Variants in LPIN1 observed in about 807,000 individuals in gnomAD.
The protein encoded by LPIN1 is lipin 1, also known as phosphatidate phosphatase LPIN1.
LPIN1 carries 71 observed loss-of-function variants against 107.5 expected under a neutral mutation model. The observed-to-expected ratio is 0.66, with a 90% confidence interval of 0.55 to 0.80. The LOEUF is 0.80. Ranked by LOEUF, LPIN1 falls within the 30% of genes least tolerant of loss-of-function variation. The pLI, the probability that LPIN1 is intolerant of heterozygous loss-of-function variation, is 0.00. For missense variants in LPIN1, 1,043 were observed against 1,160.6 expected (o/e 0.90, Z 1.47); for synonymous variants, 445 against 452.6 (o/e 0.98, Z 0.21).
At chr2:11,764,078 G>GTGTGTATA (rs1313228035) in intron 1 of LPIN1, 1 of 63,274 alleles carries the variant, frequency 1.6e-5, no homozygotes, top group Non-Finnish European at 3.1e-5. Flanking sequence ...GTGTGTGTGT[G>GTGTGTATA]TATATATATA....
Position 11,804,557 on chromosome 2 carries a change from TG to T in LPIN1, c.2151del (p.Thr718GlnfsTer31). 4 of 1,614,188 alleles carry T rather than the reference TG, an allele frequency of 2.5e-6. No homozygotes were observed. The highest frequency in any genetic ancestry group is 2.5e-6 in the Non-Finnish European group (3 of 1,180,040). On this transcript the variant is annotated frameshift_variant, in exon 16 of 21. Transcript: ENST00000674199. LOFTEE classifies it high-confidence loss of function. ...ATAAAGTCATCATTTCTGATATTGA[TG>T]GGACAATTACCAGGTAGGTCCTGCT... is the stretch of plus-strand genomic sequence containing the variant. ...DDKVIISDID[G>X]TITRSDTLGH...
chr2:11,732,173 A>G (rs957043104), intron 1 of LPIN1, among the ~76,000 whole-genome samples: 55 of 152,248 alleles, frequency 3.6e-4, no homozygotes, highest in African/African-American at 1.3e-3. Flanking sequence ...CAATATGTGC[A>G]ACAACTTTGA....
Position 11,827,156 on chromosome 2 carries a change from C to T in LPIN1, c.*2365C>T, listed in dbSNP as rs1159508889. On this transcript the variant is annotated 3_prime_UTR_variant, in exon 21 of 21. Transcript: ENST00000674199. The surrounding 1 kb of genome is among the most constrained non-coding windows in gnomAD (Gnocchi z 4.1). ...AAATGTTTGTCACATGTGATGAAGA[C>T]AAATATGTATACCTGGCATAGAGAA... is the stretch of plus-strand genomic sequence containing the variant. The T allele has an allele frequency of 6.6e-6, 1 of 152,598 alleles. No individual in the cohort carries two copies. The highest frequency in any genetic ancestry group is 1.5e-5 in the Non-Finnish European group (1 of 68,032). The allele number at this position is 152,598 out of a possible 1,614,324, so 9.5% of individuals were successfully genotyped here.
At chr2:11,714,514 G>A (rs1000646570) in intron 2 of LPIN1, among the ~76,000 whole-genome samples, 4 of 152,176 alleles carry the variant, frequency 2.6e-5, no homozygotes, top group African/African-American at 4.8e-5. Flanking sequence ...TCCCAGAGGT[G>A]GTCCCAAACT....
intron 1 of LPIN1, among the ~76,000 whole-genome samples, chr2:11,726,457 C>G (rs1222881867): frequency 6.6e-6 from 1 of 152,136 alleles, no homozygotes; most frequent in African/African-American, 2.4e-5. Context: ...ACTGTTACTC[C>G]CAGCCACGCT....
intron 14 of LPIN1, among the ~76,000 whole-genome samples, chr2:11,801,115 C>G (rs1677654894): frequency 6.6e-6 from 1 of 152,132 alleles, no homozygotes; most frequent in African/African-American, 2.4e-5. Context: ...CGAATGCTCA[C>G]AAGGATGTGG....
chr2:11,686,697 T>C (rs1424287527), intron 1 of LPIN1, among the ~76,000 whole-genome samples: 2 of 152,132 alleles, frequency 1.3e-5, no homozygotes, highest in East Asian at 3.9e-4. Flanking sequence ...GTGGCTGTGT[T>C]CCGAGGGGGT....
At chr2:11,681,404 T>C (rs1661705102) in intron 1 of LPIN1, 1 of 152,652 alleles carries the variant, frequency 6.6e-6, no homozygotes, top group Non-Finnish European at 1.5e-5. Context: ...TGGTTAAAAG[T>C]ATGTAGCACC....
At chr2:11,740,582 G>T (rs1348850059) in intron 1 of LPIN1, among the ~76,000 whole-genome samples, 2 of 151,510 alleles carry the variant, frequency 1.3e-5, no homozygotes, top group Admixed American at 1.3e-4. Context: ...TACTTGGGAG[G>T]CTGTGGCAGG....
At chr2:11,822,775 A>G (rs1681766722) in intron 20 of LPIN1, among the ~76,000 whole-genome samples, 1 of 152,194 alleles carries the variant, frequency 6.6e-6, no homozygotes, top group East Asian at 1.9e-4. Flanking sequence ...AGGAATGGGA[A>G]AGTGGCAGGT....
chr2:11,795,332 C>G (rs1201591832), intron 13 of LPIN1, 76 bp from the exon 14 acceptor site: 6 of 1,221,012 alleles, frequency 4.9e-6, no homozygotes, highest in African/African-American at 4.5e-5. Flanking sequence ...TTAAGGAAGC[C>G]CATGGGAAAA....
chr2:11,787,577 T>C (rs1674855204), intron 11 of LPIN1, among the ~76,000 whole-genome samples: 2 of 152,028 alleles, frequency 1.3e-5, no homozygotes, highest in Admixed American at 6.5e-5. Flanking sequence ...GATGTTCTTA[T>C]TGAATGTGAA....
chr2:11,807,829 C>T (rs551073801), intron 17 of LPIN1, among the ~76,000 whole-genome samples: 1 of 152,286 alleles, frequency 6.6e-6, no homozygotes, highest in East Asian at 1.9e-4. Context: ...CTACAACCTT[C>T]AGGGCTCCCT....
At chr2:11,773,490 A>C (rs1050984743) in intron 4 of LPIN1, 130 bp from the exon 5 acceptor site, 11 of 763,582 alleles carry the variant, frequency 1.4e-5, no homozygotes, top group African/African-American at 8.6e-5. Flanking sequence ...ACTGCCTGGA[A>C]CAGATCTGGG....
chr2:11,796,837 G>T (rs947027570), intron 14 of LPIN1, among the ~76,000 whole-genome samples: 1 of 152,222 alleles, frequency 6.6e-6, no homozygotes, highest in African/African-American at 2.4e-5. Context: ...ATAAGTGGTT[G>T]TTTACTGCAC....
rs931162601 is a variant in LPIN1, at chr2:11,771,567, T to C, written c.484T>C (p.Ser162Pro). The change falls in exon 4 of 21, where the codon TCA becomes CCA. Residue 162 changes from serine (S) to proline (P), a missense_variant. By Grantham distance (74) the Ser-to-Pro change is moderately conservative. Transcript: ENST00000674199. This position sits in a 1 kb window ranked among gnomAD's most constrained non-coding sequence, Gnocchi z 4.8. Reference protein sequence around the residue: ...VKKRRKRRRKSQLDSLKRDDN... With the variant: ...VKKRRKRRRKPQLDSLKRDDN... Reference sequence around the variant, plus strand: ...GAAGAGAAGAAAAAGGAGGAGAAAGTCACAGCTGGACAGCCTGAAGAGAGA... The same window carrying C: ...GAAGAGAAGAAAAAGGAGGAGAAAGCCACAGCTGGACAGCCTGAAGAGAGA... The C allele has an allele frequency of 5.0e-6, 8 of 1,613,644 alleles. No individual in the cohort carries two copies. The highest frequency in any genetic ancestry group is 6.8e-6 in the Non-Finnish European group (8 of 1,179,884).
chr2:11,739,789 A>T (rs1165583502), intron 1 of LPIN1, among the ~76,000 whole-genome samples: 2 of 152,214 alleles, frequency 1.3e-5, no homozygotes, highest in African/African-American at 4.8e-5. Context: ...CAATCAATAT[A>T]AACAGATCCA....
intron 1 of LPIN1, among the ~76,000 whole-genome samples, chr2:11,702,276 G>A (rs1214460616): frequency 6.6e-6 from 1 of 152,226 alleles, no homozygotes; most frequent in Non-Finnish European, 1.5e-5. Context: ...GGGCTGGCTA[G>A]TGTGAATAAT....
At chr2:11,728,273 T>C (rs1251534191) in intron 1 of LPIN1, among the ~76,000 whole-genome samples, 1 of 152,244 alleles carries the variant, frequency 6.6e-6, no homozygotes, top group African/African-American at 2.4e-5. Flanking sequence ...GTAGACATTA[T>C]ACAGCTGGGT....
Sources: allele counts gnomAD v4.1 joint callset (sites outside exome capture counted in the v4.1 genomes callset), GRCh38; gene constraint gnomAD v4.1.1; non-coding constraint Gnocchi (gnomAD v3.1); transcripts MANE v1.5; gene names NCBI Gene and HGNC (gene_info 2026-07-23, HGNC 2026-07-21).